Variants in PRH1 observed in about 807,000 individuals in gnomAD.
The protein encoded by PRH1 is proline rich protein HaeIII subfamily 1.
A neutral mutation model predicts 7.9 loss-of-function variants in PRH1; 7 were observed. The observed-to-expected ratio is 0.89, with a 90% CI of 0.50 to 1.67. The LOEUF is 1.67. Ranked by LOEUF, PRH1 falls within the 40% of genes most tolerant of loss-of-function variation. The pLI is 0.00. For missense variants in PRH1, 109 were observed against 223.6 expected (o/e 0.49, Z 3.27); for synonymous variants, 45 against 80.8 (o/e 0.56, Z 2.38).
rs73264493 is a variant in PRH1 at position 11,099,132 on chromosome 12, G to A, written n.124-51944C>T. On this transcript the variant is annotated intron_variant and non_coding_transcript_variant, in intron 1 of 4. Coordinates refer to the PRH1 transcript ENST00000541977. ...ATCTTGCAGTATCCTCCTATCACAGGAAGACTGACTACCTTTCCCCTGAAC... is the reference window on the plus strand; with the variant it reads ...ATCTTGCAGTATCCTCCTATCACAGAAAGACTGACTACCTTTCCCCTGAAC... Among the ~76,000 whole-genome samples the A allele has an allele frequency of 7.3e-3, 1,114 of 152,174 alleles. 14 individuals are homozygous for A. Among genetic ancestry groups the A allele is most frequent in the African/African-American group, 0.026 (1,067 of 41,512 alleles).
chr12:11,026,017 C>T (rs1941892859), intron 1 of PRH1, among the ~76,000 whole-genome samples: 1 of 151,964 alleles, frequency 6.6e-6, no homozygotes, highest in African/African-American at 2.4e-5. Context: ...GTTTAAGATA[C>T]CGGTGAGAAC....
At chr12:11,061,516 A>G (rs773393543) in intron 1 of PRH1, 3 of 1,614,130 alleles carry the variant, frequency 1.9e-6, no homozygotes, top group Middle Eastern at 1.6e-4. Flanking sequence ...GAACATGAAG[A>G]CAGGTTTGTT....
chr12:10,930,426 T>C (rs1175935572), intron 2 of PRH1: 2 of 1,473,362 alleles, frequency 1.4e-6, no homozygotes, highest in Non-Finnish European at 1.9e-6. Context: ...CCCAGAGATA[T>C]AAACAGTTTT....
chr12:10,887,011 A>C (rs1360222907), upstream of PRH1, among the ~76,000 whole-genome samples: 1 of 152,210 alleles, frequency 6.6e-6, no homozygotes, highest in African/African-American at 2.4e-5. Flanking sequence ...TAAAAGTAGA[A>C]ATTAGGTTAT....
intron 1 of PRH1, among the ~76,000 whole-genome samples, chr12:10,994,634 T>C (rs1036398117): frequency 8.0e-6 from 1 of 125,200 alleles, no homozygotes; most frequent in African/African-American, 2.6e-5. Context: ...TATCAGACAT[T>C]TGCTCTACTT....
chr12:10,969,476 C>T (rs1938684260), intron 2 of PRH1, among the ~76,000 whole-genome samples: 2 of 152,128 alleles, frequency 1.3e-5, no homozygotes, highest in South Asian at 4.2e-4. Context: ...TCTAGAATTT[C>T]CCAGCCTCCT....
Position 10,964,610 on chromosome 12 carries a change from G to A in PRH1, c.-59+9045C>T, listed in dbSNP as rs1938412933. 2 of 407,308 alleles carry A rather than the reference G, an allele frequency of 4.9e-6. 1 individual carries two copies. The highest frequency in any genetic ancestry group is 9.3e-6 in the Non-Finnish European group (2 of 215,616). The allele number at this position is 407,308 out of a possible 1,614,324, so 25.2% of individuals were successfully genotyped here. On this transcript the variant is annotated intron_variant, in intron 2 of 3. Coordinates refer to the PRH1 transcript ENST00000539853. Reference sequence around the variant, plus strand: ...CAGCCTCCTCCTAAAATTCCAAATCGATGTGATTAGGGACAGAAAGTAAAC... The same window carrying A: ...CAGCCTCCTCCTAAAATTCCAAATCAATGTGATTAGGGACAGAAAGTAAAC...
In PRH1 at chr12:10,882,799, C is replaced by T. The variant is rs1414346989; in HGVS notation, c.101-101G>A. 3.2e-6 allele frequency: 5 copies of T among 1,556,828 alleles called. No individual in the cohort carries two copies. In the African/African-American group the frequency reaches 5.5e-5, roughly 17 times the overall value. ...ACACGGCCGGCCCCTCTCTGCCTGA[C>T]CTGCCTCTCAACTCCCAACCTCCCC... On this transcript the variant is annotated intron_variant, in intron 2 of 3. Transcript: ENST00000543626.
chr12:10,922,863 C>T (rs1201027942), intron 2 of PRH1, among the ~76,000 whole-genome samples: 2 of 122,978 alleles, frequency 1.6e-5, no homozygotes, highest in Non-Finnish European at 3.4e-5. Flanking sequence ...GCTCTGTCGC[C>T]CAGGCCGGAC....
In PRH1 at chr12:11,091,115, CATATATATATATATAT is replaced by C. The variant is rs1555163213; in HGVS notation, n.124-43943_124-43928del. On this transcript the variant is annotated intron_variant and non_coding_transcript_variant, in intron 1 of 4. Coordinates refer to the PRH1 transcript ENST00000541977. ...ACACAAATACACACACACACACACA[CATATATATATATATAT>C]ATATATATATATTTTCTAGACTGCC... Among the ~76,000 whole-genome samples, 2 of 25,104 alleles carry C rather than the reference CATATATATATATATAT, an allele frequency of 8.0e-5. 1 individual carries two copies. The highest frequency in any genetic ancestry group is 1.6e-4 in the African/African-American group (2 of 12,736). The allele number at this position is 25,104 out of a possible 152,430, so 16.5% of individuals were successfully genotyped here. A position where few individuals can be genotyped will look rare whatever the true frequency, so the allele number is the denominator to read the frequency against.
intron 2 of PRH1, among the ~76,000 whole-genome samples, chr12:10,952,663 G>A (rs1937743399): frequency 6.6e-6 from 1 of 152,074 alleles, no homozygotes; most frequent in African/African-American, 2.4e-5. Flanking sequence ...TCATACAATT[G>A]CAATTCAATA....
chr12:11,133,427 G>T, intron 1 of PRH1: 1 of 1,613,974 alleles, frequency 6.2e-7, no homozygotes, highest in Non-Finnish European at 8.5e-7. Flanking sequence ...TGGGTGGGTT[G>T]AAGGATAGCT....
chr12:10,930,496 G>A (rs867324938), intron 2 of PRH1, among the ~76,000 whole-genome samples: 1 of 152,174 alleles, frequency 6.6e-6, no homozygotes, highest in Non-Finnish European at 1.5e-5. Context: ...CCACCCTAAT[G>A]TGGATTAAGA....
intron 2 of PRH1, among the ~76,000 whole-genome samples, chr12:10,944,228 T>A (rs900076288): frequency 6.6e-6 from 1 of 152,210 alleles, no homozygotes; most frequent in Non-Finnish European, 1.5e-5. Flanking sequence ...GTTTTCCCAT[T>A]TGTTTGTGTC....
At chr12:11,129,149 A>C (rs1181398981) in intron 1 of PRH1, among the ~76,000 whole-genome samples, 1 of 152,284 alleles carries the variant, frequency 6.6e-6, no homozygotes, top group Non-Finnish European at 1.5e-5. Context: ...TCCTGCTCTC[A>C]AGGGATCTTC....
intron 1 of PRH1, among the ~76,000 whole-genome samples, chr12:11,129,996 C>G (rs1011638349): frequency 6.6e-6 from 1 of 151,804 alleles, no homozygotes; most frequent in East Asian, 1.9e-4. Flanking sequence ...ACAAAAAATA[C>G]CAAAATTAGC....
chr12:11,024,536 A>T (rs1254165705), intron 1 of PRH1, among the ~76,000 whole-genome samples: 3 of 152,204 alleles, frequency 2.0e-5, no homozygotes, highest in East Asian at 3.8e-4. Context: ...GTATAGGTGC[A>T]ATCCTATATG....
intron 1 of PRH1, chr12:11,078,535 T>A (rs1433621046): frequency 6.5e-6 from 1 of 153,242 alleles, no homozygotes; most frequent in Non-Finnish European, 1.4e-5. Flanking sequence ...ATACTCATGT[T>A]GAAGTGAAAA....
At chr12:11,115,905 G>T (rs1483003039), downstream of PRH1, among the ~76,000 whole-genome samples, 3 of 151,872 alleles carry the variant, frequency 2.0e-5, no homozygotes, top group Non-Finnish European at 2.9e-5. Context: ...GCAATACTAA[G>T]AAGGAAATTT....
Sources: gnomAD v4.1 joint callset for allele counts (sites outside exome capture counted in the v4.1 genomes callset) on GRCh38, gnomAD v4.1.1 for gene constraint, MANE v1.5 for transcripts, NCBI Gene and HGNC (gene_info 2026-07-23, HGNC 2026-07-21) for gene names.